The following DNAH14 variants were observed in gnomAD, a reference collection of about 807,000 sequenced individuals.
The protein encoded by DNAH14 is axonemal beta dynein heavy chain 14.
A neutral mutation model predicts 520.9 loss-of-function variants in DNAH14; 478 were observed. The ratio of observed to expected loss-of-function variants is 0.92; its 90% CI spans 0.85 to 0.99. The LOEUF is 0.99. DNAH14 is among the 50% of genes least tolerant of loss of function. The probability of loss-of-function intolerance (pLI) is 0.00; values close to 1 mark genes in which losing one functional copy is unlikely to be tolerated. For synonymous variants in DNAH14, 1,581 were observed against 1,757.2 expected, an observed-to-expected ratio of 0.90 and a Z score of 2.51; for missense variants, 4,831 against 5,234.5, an observed-to-expected ratio of 0.92 and a Z score of 2.38.
intron 82 of DNAH14, among the ~76,000 whole-genome samples, chr1:225,389,022 T>A (rs1022826927): frequency 6.6e-6 from 1 of 152,204 alleles, no homozygotes; most frequent in East Asian, 1.9e-4. Flanking sequence ...CCTCCCAAAG[T>A]GCAGGGATTA....
chr1:225,329,899 C>G (rs760679032), intron 64 of DNAH14, among the ~76,000 whole-genome samples: 8 of 151,968 alleles, frequency 5.3e-5, no homozygotes, highest in Admixed American at 2.0e-4. Context: ...TGCAAACTAC[C>G]CATCTGACAA....
chr1:224,989,030 A>G (rs1354926399), intron 8 of DNAH14, among the ~76,000 whole-genome samples: 1 of 152,164 alleles, frequency 6.6e-6, no homozygotes, highest in Non-Finnish European at 1.5e-5. Context: ...AGCCCTAATG[A>G]CCTAATCACT....
chr1:225,197,330 T>C (rs2149378438), intron 38 of DNAH14, among the ~76,000 whole-genome samples: 1 of 152,336 alleles, frequency 6.6e-6, no homozygotes, highest in South Asian at 2.1e-4. Context: ...CTATTTGCTT[T>C]GTCAAATATC....
At chr1:225,375,266 C>T (rs919989067) in intron 78 of DNAH14, among the ~76,000 whole-genome samples, 1 of 152,182 alleles carries the variant, frequency 6.6e-6, no homozygotes, top group Non-Finnish European at 1.5e-5. Context: ...TGTTTATCCC[C>T]TCTTCTCCCC....
chr1:225,030,185 A>G (rs1438527642), intron 11 of DNAH14, among the ~76,000 whole-genome samples: 1 of 151,968 alleles, frequency 6.6e-6, no homozygotes, highest in East Asian at 1.9e-4. Context: ...GGAAATTAGA[A>G]TAAAATACAG....
intron 61 of DNAH14, among the ~76,000 whole-genome samples, chr1:225,321,762 C>T (rs1372819827): frequency 5.9e-5 from 9 of 152,246 alleles, no homozygotes; most frequent in South Asian, 4.1e-4. Context: ...GTGAAGAGAC[C>T]GCCTCCAATG....
intron 64 of DNAH14, among the ~76,000 whole-genome samples, chr1:225,329,969 A>G (rs2094758810): frequency 6.6e-6 from 1 of 152,168 alleles, no homozygotes; most frequent in Non-Finnish European, 1.5e-5. Context: ...AAATCTAATA[A>G]TCCAATTTGA....
chr1:225,158,481 G>T (rs532178403), intron 34 of DNAH14, among the ~76,000 whole-genome samples: 2 of 152,118 alleles, frequency 1.3e-5, no homozygotes, highest in Non-Finnish European at 2.9e-5. Context: ...TAATAACTGG[G>T]GCTGTCCATA....
intron 1 of DNAH14, among the ~76,000 whole-genome samples, chr1:224,946,838 C>CTT (rs778420874): frequency 8.7e-6 from 1 of 115,398 alleles, no homozygotes; most frequent in African/African-American, 3.1e-5. Flanking sequence ...CCCCTTATGG[C>CTT]TTTTTTTTTT....
At chr1:225,294,200 G>C (rs373779161) in intron 55 of DNAH14, among the ~76,000 whole-genome samples, 3 of 151,858 alleles carry the variant, frequency 2.0e-5, no homozygotes, top group African/African-American at 7.3e-5. Context: ...AGATGATTGT[G>C]GTTTTTTTTC....
chr1:225,327,804 A>C (rs1199562411), intron 64 of DNAH14, among the ~76,000 whole-genome samples: 3 of 152,214 alleles, frequency 2.0e-5, no homozygotes, highest in Middle Eastern at 3.4e-3. Context: ...TGAAGAGATC[A>C]TCAAAATGAA....
chr1:225,268,460 T>A (rs984603500), intron 49 of DNAH14, among the ~76,000 whole-genome samples: 4 of 152,150 alleles, frequency 2.6e-5, no homozygotes, highest in Admixed American at 2.6e-4. Flanking sequence ...TTCAACATAG[T>A]TTTGGAAGTT....
chr1:225,146,471 A>G (rs1261628093), intron 30 of DNAH14, among the ~76,000 whole-genome samples: 2 of 152,160 alleles, frequency 1.3e-5, no homozygotes, highest in Non-Finnish European at 2.9e-5. Flanking sequence ...AGTTGCTAAC[A>G]TTTACAAACC....
intron 39 of DNAH14, among the ~76,000 whole-genome samples, chr1:225,204,894 T>TAA (rs2087327490): frequency 1.3e-5 from 2 of 152,166 alleles, no homozygotes; most frequent in Admixed American, 6.5e-5. Context: ...TGTGTTATTT[T>TAA]GGGGAGAGTA....
At chr1:224,940,060 C>T (rs2059311368) in intron 1 of DNAH14, among the ~76,000 whole-genome samples, 1 of 152,210 alleles carries the variant, frequency 6.6e-6, no homozygotes. Flanking sequence ...TTGGGTCACT[C>T]ATTCAGCTGG....
intron 72 of DNAH14, 27 bp from the exon 73 acceptor site, chr1:225,353,776 C>T (rs1317433298): frequency 8.7e-7 from 1 of 1,154,132 alleles, no homozygotes; most frequent in Non-Finnish European, 1.2e-6. Context: ...CTGTTAATGC[C>T]AGTTTCTTTC....
At chr1:225,277,573 C>T (rs2093516981) in intron 54 of DNAH14, 71 bp downstream of exon 54, 8 of 447,806 alleles carry the variant, frequency 1.8e-5, no homozygotes, top group South Asian at 1.3e-4. Context: ...ATCTACTGTA[C>T]TTACAGAAGT....
At chr1:225,140,662 C>A in intron 27 of DNAH14, 106 bp from the exon 28 acceptor site, 2 of 930,246 alleles carry the variant, frequency 2.1e-6, no homozygotes, top group Non-Finnish European at 3.1e-6. Flanking sequence ...TACATACACA[C>A]CACATAAACT....
rs958328559 is a variant in DNAH14, at chr1:225,023,733, T to C, written c.1226T>C (p.Met409Thr). The change falls in exon 11 of 86, where the codon ATG becomes ACG. Residue 409 changes from methionine (M) to threonine (T), a missense_variant. Transcript: ENST00000682510. ...TTAGAAACATTTTTCAAGTTTGTAA[T>C]GCTGGTTGACTACATATTTCAGGAA... Reference protein sequence around the residue: ...RLLETFFKFVMLVDYIFQELI... With the variant: ...RLLETFFKFVTLVDYIFQELI... 6.4e-7 allele frequency: 1 copy of C among 1,550,912 alleles called. No homozygotes were observed. Among genetic ancestry groups the C allele is most frequent in the African/African-American group, 1.4e-5 (1 of 73,136 alleles).
Sources: gnomAD v4.1 joint callset for allele counts (sites outside exome capture counted in the v4.1 genomes callset) on GRCh38, gnomAD v4.1.1 for gene constraint, MANE v1.5 for transcripts, NCBI Gene and HGNC (gene_info 2026-07-23, HGNC 2026-07-21) for gene names.